TBX20: variants seen among roughly 807,000 people sequenced by gnomAD.
The protein encoded by TBX20 is T-box transcription factor TBX20.
In TBX20, 8 loss-of-function variants were observed where a neutral mutation model predicts 42.9. That is an observed-to-expected ratio of 0.19 (90% CI 0.11 to 0.34). The LOEUF (loss-of-function observed/expected upper bound fraction) is 0.34. TBX20 is among the 10% of genes least tolerant of loss of function. The pLI is 1.00. For synonymous variants in TBX20, 198 were observed against 222.8 expected (o/e 0.89, Z 0.99); for missense variants, 411 against 566.0 (o/e 0.73, Z 2.78).
chr7:35,240,924 A>G lies in TBX20; in HGVS notation c.768T>C (p.Phe256=). Residue 256 remains phenylalanine, a synonymous_variant, in exon 5 of 8, where the codon TTT becomes TTC. Coordinates refer to ENST00000408931, the MANE Select transcript of TBX20 (RefSeq NM_001077653.2). ...LKSEEFRTFI[F]PETVFTAVTA... is the part of the protein sequence containing the mutation. ...TGACTGCCGTAAAAACTGTTTCTGG[A>G]AAGATGAAAGTTCTAAATTCTTCAG... The G allele has an allele frequency of 6.2e-7, 1 of 1,613,916 alleles. No homozygotes were observed. Among genetic ancestry groups the G allele is most frequent in the Non-Finnish European group, 8.5e-7 (1 of 1,179,836 alleles).
intron 6 of TBX20, among the ~76,000 whole-genome samples, chr7:35,223,951 T>A (rs1300053645): frequency 6.6e-6 from 1 of 152,178 alleles, no homozygotes; most frequent in Non-Finnish European, 1.5e-5. Flanking sequence ...TATGGATTTT[T>A]AAAAATTAAA....
intron 6 of TBX20, among the ~76,000 whole-genome samples, chr7:35,216,454 G>T (rs1273018703): frequency 2.0e-5 from 3 of 152,246 alleles, no homozygotes; most frequent in Admixed American, 2.0e-4. Flanking sequence ...GTAAAATAAG[G>T]ATATCAATAT....
chr7:35,230,019 C>T (rs1309312609), intron 6 of TBX20, among the ~76,000 whole-genome samples: 3 of 151,936 alleles, frequency 2.0e-5, no homozygotes, highest in Admixed American at 6.6e-5. Flanking sequence ...CACGTGTACC[C>T]CCATGGTCTG....
At position 35,235,603 on chromosome 7, in the gene TBX20, A is replaced by G. The variant is rs373498031; in HGVS notation, c.814-4023T>C. On this transcript the variant is annotated intron_variant, in intron 5 of 7. Transcript: ENST00000408931. Reference sequence around the variant, plus strand: ...AAGGTTAGTAGTATGTGCTTAAGAAATGCTACTGTTTAGTGTGGGTCTACA... The same window carrying G: ...AAGGTTAGTAGTATGTGCTTAAGAAGTGCTACTGTTTAGTGTGGGTCTACA... Among the ~76,000 whole-genome samples the G allele has an allele frequency of 1.1e-4, 16 of 152,376 alleles. No homozygotes were observed. The East Asian group carries it at 1.9e-3, about 18-fold the overall frequency.
rs2128709451 is a variant in TBX20 at position 35,202,664 on chromosome 7, G to A, written c.1110C>T (p.Thr370=). The part of the protein sequence containing the change: ...QHPQSLTALG[T]STASIATPIP... ...TGGGTGTTGCTATGGATGCTGTGCT[G>A]GTGCCAAGAGCAGTCAGGGACTGTG... Residue 370 remains threonine (T), a synonymous_variant, in exon 8 of 8, where the codon ACC becomes ACT. Transcript: ENST00000408931. 1 of 1,613,358 alleles carries A rather than the reference G, an allele frequency of 6.2e-7. No homozygotes were observed. The highest frequency in any genetic ancestry group is 2.2e-5 in the East Asian group (1 of 44,850).
Position 35,249,417 on chromosome 7 carries a change from G to A in TBX20, c.380+534C>T, listed in dbSNP as rs912630161. ...CTTCCTGCCTGGCCAAAGCCCGCCCGGCTCTGGCGCCAAGAGGCCCCGAGC... is the reference window on the plus strand; with the variant it reads ...CTTCCTGCCTGGCCAAAGCCCGCCCAGCTCTGGCGCCAAGAGGCCCCGAGC... On this transcript the variant is annotated intron_variant, in intron 2 of 7. Transcript: ENST00000408931. This position sits in a 1 kb window ranked among gnomAD's most constrained non-coding sequence, Gnocchi z 4.3. 3.3e-5 allele frequency among the ~76,000 whole-genome samples: 5 copies of A among 152,218 alleles called. No homozygotes were observed. Among genetic ancestry groups the A allele is most frequent in the African/African-American group, 7.2e-5 (3 of 41,462 alleles).
rs182020537 is a variant in TBX20 at position 35,228,870 on chromosome 7, G to A, written c.890+2634C>T. On this transcript the variant is annotated intron_variant, in intron 6 of 7. Coordinates refer to ENST00000408931, the MANE Select transcript of TBX20 (RefSeq NM_001077653.2). Reference sequence around the variant, plus strand: ...GAAAACACTTTCTATTTTTGCCAGTGAGGTGGGTTTTCTTTTAGAAATGAG... The same window carrying A: ...GAAAACACTTTCTATTTTTGCCAGTAAGGTGGGTTTTCTTTTAGAAATGAG... Among the ~76,000 whole-genome samples the A allele has an allele frequency of 1.5e-3, 231 of 152,286 alleles. 1 individual carries two copies. Among genetic ancestry groups the A allele is most frequent in the African/African-American group, 5.4e-3 (224 of 41,558 alleles).
chr7:35,249,782 C>T lies in TBX20; in HGVS notation c.380+169G>A, dbSNP rs1790267566. Among the ~76,000 whole-genome samples the T allele has an allele frequency of 6.6e-6, 1 of 152,212 alleles. No homozygotes were observed. The highest frequency in any genetic ancestry group is 2.1e-4 in the South Asian group (1 of 4,832). On this transcript the variant is annotated intron_variant, in intron 2 of 7. Coordinates refer to ENST00000408931, the MANE Select transcript of TBX20 (RefSeq NM_001077653.2). This position sits in a 1 kb window ranked among gnomAD's most constrained non-coding sequence, Gnocchi z 4.3. ...AATCCTGAGAACGCAAATGACTAGA[C>T]ATCCTGTAGCTCCTAATGCAAGCTG...
At chr7:35,229,780 C>A (rs1318307216) in intron 6 of TBX20, among the ~76,000 whole-genome samples, 1 of 152,040 alleles carries the variant, frequency 6.6e-6, no homozygotes, top group African/African-American at 2.4e-5. Context: ...GCTCATATAA[C>A]AAGATGAAGA....
At chr7:35,223,338 A>G (rs1283891278) in intron 6 of TBX20, among the ~76,000 whole-genome samples, 3 of 152,200 alleles carry the variant, frequency 2.0e-5, no homozygotes, top group Admixed American at 2.0e-4. Context: ...CCAGTCAGAT[A>G]TTTGAATCTG....
intron 6 of TBX20, among the ~76,000 whole-genome samples, chr7:35,209,689 T>C (rs1342224426): frequency 6.6e-6 from 1 of 152,206 alleles, no homozygotes; most frequent in African/African-American, 2.4e-5. Flanking sequence ...ATTTTCTTTC[T>C]TCTACTTGCT....
rs17675142 is a variant in TBX20, at chr7:35,248,521, G to A, written c.545+156C>T. Among the ~76,000 whole-genome samples, 55,492 of 152,142 alleles carry A rather than the reference G, an allele frequency of 0.36. 10,480 individuals are homozygous for A. Among genetic ancestry groups the A allele is most frequent in the Admixed American group, 0.46 (7,024 of 15,290 alleles). On this transcript the variant is annotated intron_variant, in intron 3 of 7. Transcript: ENST00000408931. ...CTACCTTTCTCAGAGCCTAGCCCAT[G>A]TTTTGTGTAGTCAATCCTGGAGTGT...
At chr7:35,251,162 C>T (rs1249057315) in intron 1 of TBX20, among the ~76,000 whole-genome samples, 1 of 152,226 alleles carries the variant, frequency 6.6e-6, no homozygotes, top group Non-Finnish European at 1.5e-5. Flanking sequence ...AGGGAGACTT[C>T]TGTAATTGTC....
intron 6 of TBX20, among the ~76,000 whole-genome samples, chr7:35,208,770 A>G (rs1789444845): frequency 6.7e-6 from 1 of 149,140 alleles, no homozygotes; most frequent in Non-Finnish European, 1.5e-5. Context: ...AAAAAAAAAA[A>G]AAAAAAAAAA....
chr7:35,253,699 G>A lies in TBX20; in HGVS notation c.-79C>T. The A allele has an allele frequency of 1.3e-6, 2 of 1,555,728 alleles. No individual in the cohort carries two copies. The highest frequency in any genetic ancestry group is 1.7e-6 in the Non-Finnish European group (2 of 1,154,800). Reference sequence around the variant, plus strand: ...GATTCCCCAAGGGAGACAAAGACCCGAAACACAGCTCAAAGTTTCCGAGAG... The same window carrying A: ...GATTCCCCAAGGGAGACAAAGACCCAAAACACAGCTCAAAGTTTCCGAGAG... On this transcript the variant is annotated 5_prime_UTR_variant, in exon 1 of 8. Coordinates refer to ENST00000408931, the MANE Select transcript of TBX20 (RefSeq NM_001077653.2).
At chr7:35,221,152 A>G (rs912176425) in intron 6 of TBX20, among the ~76,000 whole-genome samples, 2 of 151,822 alleles carry the variant, frequency 1.3e-5, no homozygotes, top group Admixed American at 1.3e-4. Context: ...GATAATTTCT[A>G]AAAAATGATA....
At chr7:35,206,863 A>G (rs183168517) in intron 6 of TBX20, among the ~76,000 whole-genome samples, 1 of 152,302 alleles carries the variant, frequency 6.6e-6, no homozygotes, top group East Asian at 1.9e-4. Context: ...GCATACATTA[A>G]TATTTCTTGT....
intron 3 of TBX20, 122 bp downstream of exon 3, chr7:35,248,555 G>A: frequency 9.3e-7 from 1 of 1,079,804 alleles, no homozygotes; most frequent in South Asian, 1.3e-5. Context: ...GTCCAGGCTT[G>A]GAATGCTCTC....
At chr7:35,227,778 T>C (rs1451707924) in intron 6 of TBX20, among the ~76,000 whole-genome samples, 1 of 152,122 alleles carries the variant, frequency 6.6e-6, no homozygotes, top group African/African-American at 2.4e-5. Flanking sequence ...ATGCAGAAAG[T>C]AGGATACAGA....
Sources: allele counts gnomAD v4.1 joint callset (sites outside exome capture counted in the v4.1 genomes callset), GRCh38; gene constraint gnomAD v4.1.1; non-coding constraint Gnocchi (gnomAD v3.1); transcripts MANE v1.5; gene names NCBI Gene and HGNC (gene_info 2026-07-23, HGNC 2026-07-21).